GNB4: variants seen among roughly 807,000 people sequenced by gnomAD.
GNB4 encodes G protein subunit beta 4.
A neutral mutation model predicts 45.2 loss-of-function variants in GNB4; 28 were observed. The ratio of observed to expected loss-of-function variants is 0.62; its 90% CI spans 0.46 to 0.85. GNB4 has a LOEUF of 0.85. Ranked by LOEUF, GNB4 falls within the 40% of genes least tolerant of loss-of-function variation. The pLI is 0.00. For missense variants in GNB4, 321 were observed against 425.4 expected, an observed-to-expected ratio of 0.75 and a Z score of 2.16; for synonymous variants, 132 against 143.7, an observed-to-expected ratio of 0.92 and a Z score of 0.58.
At chr3:179,490,701 C>A in the GNB4 span, among the ~76,000 whole-genome samples, 1 of 152,260 alleles carries the variant, frequency 6.6e-6, no homozygotes, top group African/African-American at 2.4e-5. Context: ...ACCAACCTGC[C>A]TTTCCTTTGT....
At position 179,413,616 on chromosome 3, in the gene GNB4, G is replaced by A; in HGVS notation, c.498-3C>T. 2 of 1,613,944 alleles carry A rather than the reference G, an allele frequency of 1.2e-6. No homozygotes were observed. The highest frequency in any genetic ancestry group is 1.7e-6 in the Non-Finnish European group (2 of 1,179,866). On this transcript the variant is annotated splice_polypyrimidine_tract_variant and splice_region_variant and intron_variant, in intron 7 of 9. Coordinates refer to ENST00000232564, the MANE Select transcript of GNB4 (RefSeq NM_021629.4). ...CAGTTTCGATGTCCCATAAAGCACT[G>A]TAATTAAAAACAAAATTTCATGACA...
At chr3:179,514,390 G>A in the GNB4 span, among the ~76,000 whole-genome samples, 1 of 152,184 alleles carries the variant, frequency 6.6e-6, no homozygotes, top group Non-Finnish European at 1.5e-5. Context: ...AAGCATGGTG[G>A]GAAGTTGCCT....
chr3:179,524,278 G>C, the GNB4 span, among the ~76,000 whole-genome samples: 2 of 152,224 alleles, frequency 1.3e-5, no homozygotes, highest in Non-Finnish European at 2.9e-5. Context: ...GTGGCTGCCG[G>C]GTGAGTTGGC....
the GNB4 span, among the ~76,000 whole-genome samples, chr3:179,519,682 G>A: frequency 1.6e-4 from 25 of 152,096 alleles, no homozygotes; most frequent in Non-Finnish European, 3.5e-4. Flanking sequence ...GCCACACCTC[G>A]TTGCTGCCTT....
In GNB4 at chr3:179,419,493, T is replaced by C. The variant is rs1394200676; in HGVS notation, c.109A>G (p.Met37Val). The change falls in exon 4 of 10, where the codon ATG becomes GTG. Residue 37 changes from methionine (M) to valine (V), a missense_variant. Transcript: ENST00000232564. ...DATLVQITSNMDSVGRIQMRT... is the reference protein window; with the variant it reads ...DATLVQITSNVDSVGRIQMRT... The stretch of plus-strand genomic sequence containing the variant: ...ATTTGTATTCGACCCACAGAGTCCA[T>C]ATTTGATGTAATCTTTTGAAAGCAA... 1.3e-6 allele frequency: 2 copies of C among 1,597,198 alleles called. No homozygotes were observed. Among genetic ancestry groups the C allele is most frequent in the East Asian group, 2.2e-5 (1 of 44,772 alleles).
the GNB4 span, among the ~76,000 whole-genome samples, chr3:179,489,885 C>T: frequency 6.6e-6 from 1 of 152,114 alleles, no homozygotes; most frequent in Admixed American, 6.5e-5. Flanking sequence ...TCCACATTTC[C>T]CAACTGCTTT....
the GNB4 span, among the ~76,000 whole-genome samples, chr3:179,475,264 C>T: frequency 6.6e-6 from 1 of 151,642 alleles, no homozygotes; most frequent in African/African-American, 2.4e-5. Flanking sequence ...ACTACATGCA[C>T]GTGCCACCAT....
the GNB4 span, among the ~76,000 whole-genome samples, chr3:179,466,087 T>G: frequency 1.4e-5 from 2 of 142,626 alleles, no homozygotes; most frequent in South Asian, 4.9e-4. Flanking sequence ...CTCGGGTCAC[T>G]GCAACCTCTG....
At chr3:179,506,822 A>G in the GNB4 span, among the ~76,000 whole-genome samples, 47 of 152,084 alleles carry the variant, frequency 3.1e-4, no homozygotes, top group East Asian at 9.1e-3. Context: ...GTAATTCTCT[A>G]TTTAAATAAG....
Position 179,438,286 on chromosome 3 carries a change from T to C in GNB4, c.-42-12044A>G, listed in dbSNP as rs566318081. 1.0e-3 allele frequency among the ~76,000 whole-genome samples: 154 copies of C among 152,316 alleles called. 1 individual carries two copies. The highest frequency in any genetic ancestry group is 3.6e-3 in the African/African-American group (148 of 41,568). ...ACGAGGAAACTTTACACATGGAGGTTATGGACCTTAGCCAAGTTCACACAA... is the reference window on the plus strand; with the variant it reads ...ACGAGGAAACTTTACACATGGAGGTCATGGACCTTAGCCAAGTTCACACAA... On this transcript the variant is annotated intron_variant, in intron 1 of 9. Transcript: ENST00000232564.
the GNB4 span, among the ~76,000 whole-genome samples, chr3:179,460,105 T>C: frequency 6.6e-6 from 1 of 152,240 alleles, no homozygotes; most frequent in Non-Finnish European, 1.5e-5. Flanking sequence ...CTTAAAAGCT[T>C]TGAATCAGAA....
At chr3:179,406,599 GTTTCT>G (rs1714476100) in intron 8 of GNB4, among the ~76,000 whole-genome samples, 1 of 151,978 alleles carries the variant, frequency 6.6e-6, no homozygotes, top group Non-Finnish European at 1.5e-5. Context: ...GGATGTGTTG[GTTTCT>G]TTTAATTACT....
the GNB4 span, among the ~76,000 whole-genome samples, chr3:179,467,007 T>A: frequency 8.5e-5 from 13 of 152,196 alleles, no homozygotes; most frequent in Non-Finnish European, 1.6e-4. Context: ...AATACTTTTT[T>A]AAAAAATTAA....
At chr3:179,426,761 A>G (rs1452243557) in intron 1 of GNB4, among the ~76,000 whole-genome samples, 4 of 152,162 alleles carry the variant, frequency 2.6e-5, no homozygotes, top group African/African-American at 9.7e-5. Flanking sequence ...TCCTTAAGAA[A>G]TTATCCAGGT....
At chr3:179,466,712 G>A in the GNB4 span, among the ~76,000 whole-genome samples, 4 of 152,162 alleles carry the variant, frequency 2.6e-5, no homozygotes, top group East Asian at 1.9e-4. Context: ...TTCCTGCATG[G>A]AGAAGTATTA....
chr3:179,460,831 T>G, the GNB4 span, among the ~76,000 whole-genome samples: 21 of 152,238 alleles, frequency 1.4e-4, 1 homozygote, highest in Admixed American at 4.6e-4. Context: ...TTATCTTTTA[T>G]TTTTTATTTT....
chr3:179,435,470 C>CAAAAA (rs11389978), intron 1 of GNB4, among the ~76,000 whole-genome samples: 4 of 96,058 alleles, frequency 4.2e-5, no homozygotes, highest in Non-Finnish European at 6.1e-5. Flanking sequence ...CTTTCTTTTA[C>CAAAAA]AAAAAAAAAA....
the GNB4 span, among the ~76,000 whole-genome samples, chr3:179,514,160 G>A: frequency 1.3e-5 from 2 of 152,194 alleles, no homozygotes; most frequent in African/African-American, 4.8e-5. Context: ...GTGCCATGGA[G>A]CTCAGCTGAG....
intron 8 of GNB4, among the ~76,000 whole-genome samples, chr3:179,412,819 GCTTGTTTACTCA>G (rs979238226): frequency 2.5e-4 from 38 of 150,698 alleles, no homozygotes; most frequent in African/African-American, 8.8e-4. Flanking sequence ...TCCACGATCT[GCTTGTTTACTCA>G]TGATAATCCC....
Sources: allele counts gnomAD v4.1 joint callset (sites outside exome capture counted in the v4.1 genomes callset), GRCh38; gene constraint gnomAD v4.1.1; transcripts MANE v1.5; gene names NCBI Gene and HGNC (gene_info 2026-07-23, HGNC 2026-07-21).